The following TCAIM variants were observed in gnomAD, a reference collection of about 807,000 sequenced individuals.
TCAIM encodes T cell activation inhibitor, mitochondrial, also known as T-cell activation inhibitor, mitochondrial.
TCAIM carries 36 observed loss-of-function variants against 58.6 expected under a neutral mutation model. The observed-to-expected ratio is 0.61, with a 90% confidence interval of 0.47 to 0.81. TCAIM has a LOEUF of 0.81. Among genes scored for constraint, TCAIM ranks in the 30% least tolerant of loss-of-function variants. TCAIM has a pLI of 0.00. For missense variants in TCAIM, 466 were observed against 579.6 expected (o/e 0.80, Z 2.01); for synonymous variants, 172 against 193.6 (o/e 0.89, Z 0.93).
intron 3 of TCAIM, chr3:44,359,893 G>T (rs899060392): frequency 2.6e-5 from 4 of 152,148 alleles, no homozygotes; most frequent in Non-Finnish European, 5.9e-5. Context: ...AGAGTTTAAT[G>T]GTTCTGATAA....
chr3:44,401,969 G>GT (rs1462389510), intron 10 of TCAIM, among the ~76,000 whole-genome samples: 2 of 152,126 alleles, frequency 1.3e-5, no homozygotes, highest in Non-Finnish European at 2.9e-5. Flanking sequence ...GGAGGCAGAG[G>GT]TTGCAGTGAG....
intron 5 of TCAIM, among the ~76,000 whole-genome samples, chr3:44,373,570 C>G (rs1683662133): frequency 6.6e-6 from 1 of 151,772 alleles, no homozygotes; most frequent in Admixed American, 6.6e-5. Flanking sequence ...AGGAGAACTG[C>G]TTGAACCCGG....
In TCAIM at chr3:44,394,226, A is replaced by G. The variant is rs568730209; in HGVS notation, c.695+1249A>G. Among the ~76,000 whole-genome samples the G allele has an allele frequency of 3.3e-5, 5 of 152,302 alleles. No individual in the cohort carries two copies. In the East Asian group the frequency reaches 9.6e-4, roughly 29 times the overall value. The stretch of plus-strand genomic sequence containing the variant: ...TCTGTTCTTGTATAATCAAATCATC[A>G]TAAGATAATTCAGAATTTCAAAGCA... On this transcript the variant is annotated intron_variant, in intron 6 of 10. Coordinates refer to ENST00000342649, the MANE Select transcript of TCAIM (RefSeq NM_173826.4).
At chr3:44,388,998 T>G (rs1022455902) in intron 5 of TCAIM, among the ~76,000 whole-genome samples, 7 of 152,348 alleles carry the variant, frequency 4.6e-5, no homozygotes, top group African/African-American at 1.4e-4. Context: ...TCTTTATATC[T>G]GTATATATTA....
chr3:44,368,492 G>A (rs573358157), intron 5 of TCAIM, among the ~76,000 whole-genome samples: 2 of 152,210 alleles, frequency 1.3e-5, no homozygotes, highest in Non-Finnish European at 2.9e-5. Context: ...GGCTGAAAAG[G>A]TAGGAAGGTA....
Position 44,401,224 on chromosome 3 carries a change from GC to G in TCAIM, c.1141del (p.His381MetfsTer32). 1 of 1,613,998 alleles carries G rather than the reference GC, an allele frequency of 6.2e-7. No homozygotes were observed. Among genetic ancestry groups the G allele is most frequent in the Non-Finnish European group, 8.5e-7 (1 of 1,179,960 alleles). On this transcript the variant is annotated frameshift_variant, in exon 10 of 11. Coordinates refer to ENST00000342649, the MANE Select transcript of TCAIM (RefSeq NM_173826.4). LOFTEE classifies it high-confidence loss of function. ...LNSDRYAPSLHELGHFNIPTL... is the reference protein window; with the variant it reads ...LNSDRYAPSLXELGHFNIPTL... ...GCAGTGACAGATATGCTCCAAGCTT[GC>G]ATGAACTCGGGCATTTTAATATTCC...
chr3:44,403,999 C>T (rs1702061552), intron 10 of TCAIM, among the ~76,000 whole-genome samples: 1 of 152,188 alleles, frequency 6.6e-6, no homozygotes, highest in South Asian at 2.1e-4. Flanking sequence ...CTGCCCACTC[C>T]CTTGCTTCTC....
chr3:44,363,790 A>C (rs563740326), intron 4 of TCAIM, among the ~76,000 whole-genome samples: 3 of 152,238 alleles, frequency 2.0e-5, no homozygotes, highest in Admixed American at 6.5e-5. Flanking sequence ...TCTTAAACAA[A>C]AATAGCTTAT....
intron 8 of TCAIM, 25 bp from the exon 9 acceptor site, chr3:44,400,330 T>G (rs757331988): frequency 6.5e-7 from 1 of 1,545,988 alleles, no homozygotes. Flanking sequence ...AACTAATTAT[T>G]TCTTTCCCTT....
chr3:44,369,061 G>A (rs1312442714), intron 5 of TCAIM, among the ~76,000 whole-genome samples: 28 of 152,110 alleles, frequency 1.8e-4, no homozygotes, highest in Admixed American at 1.8e-3. Flanking sequence ...AGTCATGGTG[G>A]CATAGAGGTT....
chr3:44,370,002 CTA>C (rs1491389544), intron 5 of TCAIM, among the ~76,000 whole-genome samples: 3 of 152,070 alleles, frequency 2.0e-5, no homozygotes, highest in Non-Finnish European at 4.4e-5. Context: ...TTAATGTTAA[CTA>C]AAAAAATCTG....
chr3:44,351,525 C>T (rs1334082542), intron 1 of TCAIM, among the ~76,000 whole-genome samples: 1 of 151,900 alleles, frequency 6.6e-6, no homozygotes, highest in African/African-American at 2.4e-5. Flanking sequence ...GACAGAGTCT[C>T]ACTCTGTTGC....
At position 44,372,575 on chromosome 3, in the gene TCAIM, G is replaced by A. The variant is rs891355993; in HGVS notation, c.572+4867G>A. On this transcript the variant is annotated intron_variant, in intron 5 of 10. Transcript: ENST00000342649. Reference sequence around the variant, plus strand: ...CTTGATTTACAAATTACATTCATTGGATCAAAACTTTCTTTTTTTTTTTTT... The same window carrying A: ...CTTGATTTACAAATTACATTCATTGAATCAAAACTTTCTTTTTTTTTTTTT... Among the ~76,000 whole-genome samples the A allele has an allele frequency of 1.3e-4, 20 of 151,602 alleles. No homozygotes were observed. The East Asian group carries it at 2.3e-3, about 18-fold the overall frequency.
rs1313303648 is a variant in TCAIM, at chr3:44,396,396, C to T, written c.696-4C>T. On this transcript the variant is annotated splice_region_variant and splice_polypyrimidine_tract_variant and intron_variant, in intron 6 of 10. Transcript: ENST00000342649. ...TAACATGAGTGTGTGCTCTGTTGGCCTAGGTGGCAGAGGAGCTGGGGCATC... is the reference window on the plus strand; with the variant it reads ...TAACATGAGTGTGTGCTCTGTTGGCTTAGGTGGCAGAGGAGCTGGGGCATC... 6.2e-7 allele frequency: 1 copy of T among 1,612,388 alleles called. No individual in the cohort carries two copies. Among genetic ancestry groups the T allele is most frequent in the Admixed American group, 1.7e-5 (1 of 59,616 alleles).
At chr3:44,392,281 A>G (rs975834022) in intron 5 of TCAIM, among the ~76,000 whole-genome samples, 1 of 152,202 alleles carries the variant, frequency 6.6e-6, no homozygotes, top group African/African-American at 2.4e-5. Context: ...TCAGTTTAAC[A>G]GTGGGGCTGC....
intron 1 of TCAIM, among the ~76,000 whole-genome samples, chr3:44,354,395 G>A (rs1447751539): frequency 1.3e-5 from 2 of 152,086 alleles, no homozygotes; most frequent in Admixed American, 6.5e-5. Flanking sequence ...TACTCTCTGG[G>A]TCTTTTGTCT....
intron 5 of TCAIM, among the ~76,000 whole-genome samples, chr3:44,382,384 A>G (rs992207572): frequency 1.3e-5 from 2 of 152,228 alleles, no homozygotes; most frequent in African/African-American, 4.8e-5. Context: ...CCCAATCTCT[A>G]TAAAAAGAGA....
At position 44,361,368 on chromosome 3, in the gene TCAIM, A is replaced by G. The variant is rs1701292754; in HGVS notation, c.169A>G (p.Ile57Val). The G allele has an allele frequency of 2.5e-6, 4 of 1,586,526 alleles. No homozygotes were observed. The Admixed American group carries it at 7.7e-5, about 31-fold the overall frequency. Residue 57 changes from isoleucine (I) to valine (V), a missense_variant, in exon 4 of 11, where the codon ATC becomes GTC. Physicochemically the swap from Ile to Val is conservative, Grantham distance 29 (BLOSUM62 3). Transcript: ENST00000342649. ...TGCCCTTAATGTTTTTTTCCAGGAA[A>G]TCAATGAAAATTCTCTTAAAAGGTT... ...FFGQHPVERE[I>V]NENSLKRLSV... is the part of the protein sequence containing the mutation.
At chr3:44,399,295 G>C (rs1173834991) in intron 8 of TCAIM, among the ~76,000 whole-genome samples, 1 of 152,090 alleles carries the variant, frequency 6.6e-6, no homozygotes, top group Non-Finnish European at 1.5e-5. Context: ...AAAATAAAAA[G>C]CTTTTAAAAT....
Sources: gnomAD v4.1 joint callset for allele counts (sites outside exome capture counted in the v4.1 genomes callset) on GRCh38, gnomAD v4.1.1 for gene constraint, MANE v1.5 for transcripts, NCBI Gene and HGNC (gene_info 2026-07-23, HGNC 2026-07-21) for gene names.